Variants in BTRC observed in about 807,000 individuals in gnomAD.
BTRC encodes beta-transducin repeat containing E3 ubiquitin protein ligase.
BTRC carries 42 observed loss-of-function variants against 85.5 expected under a neutral mutation model. The ratio of observed to expected loss-of-function variants is 0.49; its 90% confidence interval spans 0.38 to 0.64. BTRC has a LOEUF of 0.64. BTRC is among the 30% of genes least tolerant of loss of function. BTRC has a pLI of 0.00. For synonymous variants in BTRC, 255 were observed against 263.3 expected (o/e 0.97, Z 0.30); for missense variants, 594 against 743.5 (o/e 0.80, Z 2.34).
chr10:101,496,848 C>T (rs1329803145), intron 4 of BTRC, among the ~76,000 whole-genome samples: 1 of 151,938 alleles, frequency 6.6e-6, no homozygotes, highest in East Asian at 1.9e-4. Flanking sequence ...GGTTATTTGT[C>T]TGATGTATGT....
chr10:101,508,806 G>C (rs897590121), intron 4 of BTRC, among the ~76,000 whole-genome samples: 1 of 151,138 alleles, frequency 6.6e-6, no homozygotes, highest in African/African-American at 2.4e-5. Flanking sequence ...CCCAGCTACT[G>C]GGGAGGCTGA....
At chr10:101,400,362 G>C (rs551439521) in intron 1 of BTRC, among the ~76,000 whole-genome samples, 1 of 152,264 alleles carries the variant, frequency 6.6e-6, no homozygotes, top group East Asian at 1.9e-4. Flanking sequence ...GTTAAATTAA[G>C]GAGTACCCAA....
At chr10:101,373,020 G>A (rs945871410) in intron 1 of BTRC, among the ~76,000 whole-genome samples, 2 of 151,986 alleles carry the variant, frequency 1.3e-5, no homozygotes, top group African/African-American at 4.8e-5. Context: ...CATTTATTTA[G>A]GTTTGAATTT....
chr10:101,384,732 A>G (rs1412859108), intron 1 of BTRC, among the ~76,000 whole-genome samples: 7 of 152,156 alleles, frequency 4.6e-5, no homozygotes, highest in Admixed American at 4.6e-4. Flanking sequence ...GTGGTTTCTG[A>G]TGGAAAAGAC....
chr10:101,470,619 C>G (rs560355712), intron 3 of BTRC, among the ~76,000 whole-genome samples: 2 of 152,158 alleles, frequency 1.3e-5, no homozygotes, highest in East Asian at 3.9e-4. Flanking sequence ...CGCGAGCCAC[C>G]GCGCCTAGCC....
chr10:101,536,523 G>T lies in BTRC; in HGVS notation c.1467-20G>T. Reference sequence around the variant, plus strand: ...GAAAAGAATACGTGAAAATTCACCTGACTTAATTTTCTCTTCCAGATTATG... The same window carrying T: ...GAAAAGAATACGTGAAAATTCACCTTACTTAATTTTCTCTTCCAGATTATG... On this transcript the variant is annotated intron_variant, in intron 11 of 14. Coordinates refer to ENST00000370187, the MANE Select transcript of BTRC (RefSeq NM_033637.4). The T allele has an allele frequency of 6.4e-7, 1 of 1,565,610 alleles. No individual in the cohort carries two copies. The highest frequency in any genetic ancestry group is 1.1e-5 in the South Asian group (1 of 89,870).
chr10:101,532,169 A>G, intron 7 of BTRC, 126 bp from the exon 8 acceptor site: 1 of 881,002 alleles, frequency 1.1e-6, no homozygotes, highest in Non-Finnish European at 1.6e-6. Context: ...GACATTTTTT[A>G]GTTTTCCCTA....
chr10:101,485,329 T>C (rs1300458010), intron 4 of BTRC, among the ~76,000 whole-genome samples: 1 of 152,380 alleles, frequency 6.6e-6, no homozygotes, highest in South Asian at 2.1e-4. Flanking sequence ...AACTGAAAGC[T>C]GTCAACAAAA....
intron 2 of BTRC, among the ~76,000 whole-genome samples, chr10:101,450,834 G>C (rs1168131763): frequency 2.0e-5 from 3 of 152,130 alleles, no homozygotes; most frequent in African/African-American, 7.2e-5. Context: ...GATGTTTTCT[G>C]TCTGATCCCT....
chr10:101,549,539 C>T (rs1165957023), intron 13 of BTRC, among the ~76,000 whole-genome samples: 1 of 150,664 alleles, frequency 6.6e-6, no homozygotes, highest in Non-Finnish European at 1.5e-5. Flanking sequence ...ACGATGAAAC[C>T]CCGTCTCTAC....
chr10:101,387,150 A>G (rs1473228745), intron 1 of BTRC, among the ~76,000 whole-genome samples: 3 of 152,072 alleles, frequency 2.0e-5, no homozygotes, highest in Non-Finnish European at 4.4e-5. Context: ...GTGCCATACT[A>G]TCTTATTCAT....
At chr10:101,540,095 A>G (rs940423166) in intron 13 of BTRC, among the ~76,000 whole-genome samples, 2 of 152,212 alleles carry the variant, frequency 1.3e-5, no homozygotes, top group Non-Finnish European at 2.9e-5. Context: ...GTTTTCTTAA[A>G]AGTGTCTTTC....
At chr10:101,388,149 C>T (rs1305193034) in intron 1 of BTRC, among the ~76,000 whole-genome samples, 1 of 152,010 alleles carries the variant, frequency 6.6e-6, no homozygotes, top group East Asian at 1.9e-4. Context: ...GAACTTTTAG[C>T]TAGGAAAGAT....
At chr10:101,526,296 T>C in intron 6 of BTRC, 97 bp downstream of exon 6, 1 of 1,030,864 alleles carries the variant, frequency 9.7e-7, no homozygotes, top group Non-Finnish European at 1.4e-6. Flanking sequence ...CCACTTCTCA[T>C]TTAATATGGT....
At chr10:101,410,553 G>A (rs1943747870) in intron 1 of BTRC, among the ~76,000 whole-genome samples, 1 of 152,208 alleles carries the variant, frequency 6.6e-6, no homozygotes, top group African/African-American at 2.4e-5. Context: ...GTCGGAGATT[G>A]CAGTGAGCCG....
intron 6 of BTRC, among the ~76,000 whole-genome samples, chr10:101,529,937 A>G (rs1239116924): frequency 2.6e-5 from 4 of 152,244 alleles, no homozygotes; most frequent in African/African-American, 9.6e-5. Flanking sequence ...GCACGGTGCC[A>G]GTGAGAACAG....
At chr10:101,532,805 C>T (rs566108380) in intron 8 of BTRC, 147 bp from the exon 9 acceptor site, 59 of 640,108 alleles carry the variant, frequency 9.2e-5, no homozygotes, top group South Asian at 6.4e-4. Flanking sequence ...TGTGCGCGCG[C>T]GCGCGCTTAG....
At chr10:101,363,500 C>G (rs776067009) in intron 1 of BTRC, among the ~76,000 whole-genome samples, 3 of 151,898 alleles carry the variant, frequency 2.0e-5, no homozygotes, top group Non-Finnish European at 4.4e-5. Context: ...ACTCTGTCAC[C>G]CAGGCTGGAG....
intron 4 of BTRC, among the ~76,000 whole-genome samples, chr10:101,491,101 A>G (rs938209161): frequency 6.6e-6 from 1 of 151,948 alleles, no homozygotes; most frequent in Non-Finnish European, 1.5e-5. Flanking sequence ...CCTAGTCAGT[A>G]ATTCCATGTA....
Sources: gnomAD v4.1 joint callset for allele counts (sites outside exome capture counted in the v4.1 genomes callset) on GRCh38, gnomAD v4.1.1 for gene constraint, MANE v1.5 for transcripts, NCBI Gene and HGNC (gene_info 2026-07-23, HGNC 2026-07-21) for gene names.